SV2C: variants seen among roughly 807,000 people sequenced by gnomAD.
SV2C encodes solute carrier family 22 member B3.
Under a neutral mutation model 79.7 loss-of-function variants are expected in SV2C, and 49 were observed. The observed-to-expected ratio is 0.61, with a 90% CI of 0.49 to 0.78. The LOEUF (loss-of-function observed/expected upper bound fraction) is 0.78. Among genes scored for constraint, SV2C ranks in the 30% least tolerant of loss-of-function variants. SV2C has a pLI of 0.00. For synonymous variants in SV2C, 334 were observed against 333.2 expected (o/e 1.00, Z -0.03); for missense variants, 833 against 912.9 (o/e 0.91, Z 1.13).
At chr5:76,225,716 G>C (rs1745215875) in intron 4 of SV2C, among the ~76,000 whole-genome samples, 1 of 152,186 alleles carries the variant, frequency 6.6e-6, no homozygotes, top group South Asian at 2.1e-4. Context: ...AACCAGCATG[G>C]GTTAGGCAAC....
At chr5:75,967,631 C>T in the SV2C span, among the ~76,000 whole-genome samples, 186 of 152,292 alleles carry the variant, frequency 1.2e-3, no homozygotes, top group African/African-American at 4.2e-3. Context: ...GGGAGGGGCA[C>T]CCGCCATTGC....
chr5:76,317,762 G>A (rs1383079103), intron 12 of SV2C, among the ~76,000 whole-genome samples: 1 of 152,210 alleles, frequency 6.6e-6, no homozygotes, highest in African/African-American at 2.4e-5. Flanking sequence ...CTGGAAGGTC[G>A]AGGCTGCAGT....
the SV2C span, among the ~76,000 whole-genome samples, chr5:75,932,572 C>T: frequency 2.0e-5 from 3 of 152,210 alleles, no homozygotes; most frequent in Admixed American, 2.0e-4. Flanking sequence ...TAAAAGCATT[C>T]CTTACAGTAA....
At chr5:76,056,624 CTTTTT>C in the SV2C span, among the ~76,000 whole-genome samples, 1 of 65,712 alleles carries the variant, frequency 1.5e-5, no homozygotes, top group Non-Finnish European at 2.8e-5. Context: ...CCTGGGCTTT[CTTTTT>C]TTTTTTTTTT....
chr5:76,101,798 T>C (rs1054223245), intron 1 of SV2C, among the ~76,000 whole-genome samples: 1 of 152,174 alleles, frequency 6.6e-6, no homozygotes, highest in African/African-American at 2.4e-5. Flanking sequence ...CACATGAATG[T>C]CTCTGCTATG....
At chr5:76,312,263 T>G (rs370395707) in intron 12 of SV2C, among the ~76,000 whole-genome samples, 2,726 of 144,884 alleles carry the variant, frequency 0.019, 37 homozygotes, top group Middle Eastern at 0.052. Flanking sequence ...TTTTTTTTTT[T>G]GGGGGGGGGG....
chr5:76,296,008 C>T, intron 9 of SV2C, 66 bp downstream of exon 9: 1 of 1,432,672 alleles, frequency 7.0e-7, no homozygotes, highest in Non-Finnish European at 9.3e-7. Context: ...CTTAGCTTTC[C>T]CTGCACTGAA....
At chr5:76,003,379 C>A in the SV2C span, among the ~76,000 whole-genome samples, 5 of 152,102 alleles carry the variant, frequency 3.3e-5, no homozygotes, top group Admixed American at 6.6e-5. Flanking sequence ...AGAGCAGACA[C>A]TGAGATGATA....
intron 4 of SV2C, among the ~76,000 whole-genome samples, chr5:76,221,965 A>G (rs1227430016): frequency 6.6e-6 from 1 of 152,244 alleles, no homozygotes; most frequent in African/African-American, 2.4e-5. Context: ...CAAATTGTGA[A>G]TAAATCGTGA....
chr5:75,903,708 C>T, the SV2C span, among the ~76,000 whole-genome samples: 2 of 152,294 alleles, frequency 1.3e-5, no homozygotes, highest in South Asian at 2.1e-4. Flanking sequence ...GAGCTCATGT[C>T]GACCTTCTCC....
chr5:76,330,873 G>A lies in SV2C; in HGVS notation c.*5326G>A, dbSNP rs1414728307. Reference sequence around the variant, plus strand: ...TTTTTTTTTTTTTGGGCGGGGGGGCGGGGGACGGAGTCTCGCTCTATTACT... The same window carrying A: ...TTTTTTTTTTTTTGGGCGGGGGGGCAGGGGACGGAGTCTCGCTCTATTACT... On this transcript the variant is annotated 3_prime_UTR_variant, in exon 13 of 13. Transcript: ENST00000502798. 1.4e-5 allele frequency: 2 copies of A among 141,308 alleles called. No individual in the cohort carries two copies. The highest frequency in any genetic ancestry group is 7.0e-5 in the Admixed American group (1 of 14,312). The allele number at this position is 141,308 out of a possible 1,614,324, so 8.8% of individuals were successfully genotyped here.
the SV2C span, among the ~76,000 whole-genome samples, chr5:76,074,678 C>T: frequency 1.3e-5 from 2 of 152,208 alleles, no homozygotes; most frequent in African/African-American, 2.4e-5. Flanking sequence ...ACACTGCCTT[C>T]CCCTTTGAGC....
At chr5:76,324,518 G>A (rs1295376689) in intron 12 of SV2C, among the ~76,000 whole-genome samples, 1 of 152,112 alleles carries the variant, frequency 6.6e-6, no homozygotes, top group Non-Finnish European at 1.5e-5. Flanking sequence ...TGAGAGAAGA[G>A]TTTGGATAGA....
chr5:76,271,616 C>CTTTTTTTGTT (rs1746862538), intron 4 of SV2C, among the ~76,000 whole-genome samples: 1 of 96,062 alleles, frequency 1.0e-5, no homozygotes, highest in Non-Finnish European at 2.0e-5. Context: ...AGCATGTGTT[C>CTTTTTTTGTT]TTTTTTTTTT....
intron 12 of SV2C, among the ~76,000 whole-genome samples, chr5:76,306,193 G>A (rs1028008677): frequency 8.5e-5 from 13 of 152,098 alleles, no homozygotes; most frequent in Non-Finnish European, 1.5e-4. Context: ...AACTACAGAT[G>A]TGTATCACCA....
At chr5:76,324,687 T>C (rs1170591699) in intron 12 of SV2C, among the ~76,000 whole-genome samples, 1 of 150,070 alleles carries the variant, frequency 6.7e-6, no homozygotes, top group South Asian at 2.1e-4. Flanking sequence ...TCTCTACAAA[T>C]ATTTAAAAAA....
chr5:75,928,421 T>A, the SV2C span, among the ~76,000 whole-genome samples: 5 of 152,176 alleles, frequency 3.3e-5, no homozygotes, highest in East Asian at 9.6e-4. Context: ...CTGCTGCATG[T>A]ATTTACTTAG....
intron 12 of SV2C, among the ~76,000 whole-genome samples, chr5:76,311,743 G>A (rs568273872): frequency 3.3e-5 from 5 of 152,248 alleles, no homozygotes; most frequent in South Asian, 2.1e-4. Context: ...CCAGCTTGCC[G>A]TAAATCTGAA....
chr5:75,957,848 C>A, the SV2C span, among the ~76,000 whole-genome samples: 1,333 of 152,046 alleles, frequency 8.8e-3, 16 homozygotes, highest in African/African-American at 0.031. Flanking sequence ...AATCACTGTA[C>A]CTTGCACTTC....
Sources: gnomAD v4.1 joint callset for allele counts (sites outside exome capture counted in the v4.1 genomes callset) on GRCh38, gnomAD v4.1.1 for gene constraint, MANE v1.5 for transcripts, NCBI Gene and HGNC (gene_info 2026-07-23, HGNC 2026-07-21) for gene names.